The following DNAH9 variants were observed in gnomAD, a reference collection of about 807,000 sequenced individuals.
DNAH9 encodes the protein dynein axonemal heavy chain 9.
In DNAH9, 345 loss-of-function variants were observed where a neutral mutation model predicts 471.6. The ratio of observed to expected loss-of-function variants is 0.73; its 90% CI spans 0.67 to 0.80. The LOEUF is 0.80. DNAH9 is among the 30% of genes least tolerant of loss of function. The pLI is 0.00. For missense variants in DNAH9, 5,407 were observed against 5,609.2 expected, an observed-to-expected ratio of 0.96 and a Z score of 1.15; for synonymous variants, 2,093 against 2,123.6, an observed-to-expected ratio of 0.99 and a Z score of 0.40.
At chr17:11,627,685 G>A (rs763816904) in intron 6 of DNAH9, among the ~76,000 whole-genome samples, 1 of 152,050 alleles carries the variant, frequency 6.6e-6, no homozygotes, top group Non-Finnish European at 1.5e-5. Context: ...CCTGGTTTTG[G>A]CATCTGTCTT....
At position 11,686,778 on chromosome 17, in the gene DNAH9, A is replaced by T. The variant is rs370449914; in HGVS notation, c.3744-2788A>T. ...TGCCAAAGGAAGAATGGTTAGCAAG[A>T]TAATTTCTAATCTTCCATGTGCACC... On this transcript the variant is annotated intron_variant, in intron 19 of 68. Transcript: ENST00000262442. Among the ~76,000 whole-genome samples, 25 of 152,354 alleles carry T rather than the reference A, an allele frequency of 1.6e-4. No individual in the cohort carries two copies. The South Asian group carries it at 2.3e-3, about 14-fold the overall frequency.
At chr17:11,802,289 C>T (rs1298059345) in intron 43 of DNAH9, among the ~76,000 whole-genome samples, 1 of 152,062 alleles carries the variant, frequency 6.6e-6, no homozygotes, top group East Asian at 1.9e-4. Context: ...GGCCTCACAT[C>T]GCTACACACA....
At position 11,932,267 on chromosome 17, in the gene DNAH9, T is replaced by C; in HGVS notation, c.12297+62T>C. ...GGAGAGGGTTAAAATTATTTAATTT[T>C]GAGGGGTGAATCAGAGGGGTCTAGG... is the stretch of plus-strand genomic sequence containing the variant. On this transcript the variant is annotated intron_variant, in intron 64 of 68. Transcript: ENST00000262442. This position sits in a 1 kb window ranked among gnomAD's most constrained non-coding sequence, Gnocchi z 4.3. 6.5e-7 allele frequency: 1 copy of C among 1,546,742 alleles called. No homozygotes were observed. Among genetic ancestry groups the C allele is most frequent in the East Asian group, 2.3e-5 (1 of 44,006 alleles).
At position 11,651,056 on chromosome 17, in the gene DNAH9, T is replaced by A; in HGVS notation, c.2098-13T>A. On this transcript the variant is annotated splice_polypyrimidine_tract_variant and intron_variant, in intron 12 of 68. Coordinates refer to ENST00000262442, the MANE Select transcript of DNAH9 (RefSeq NM_001372.4). ...ACTGAACGACAGACACTTGTGTTGC[T>A]TCTTTTCTCCAGCTGATTTCAGTGC... The A allele has an allele frequency of 1.2e-6, 2 of 1,611,008 alleles. No individual in the cohort carries two copies. The highest frequency in any genetic ancestry group is 1.7e-6 in the Non-Finnish European group (2 of 1,177,798).
At chr17:11,710,735 C>A (rs761829210) in intron 26 of DNAH9, among the ~76,000 whole-genome samples, 5 of 152,142 alleles carry the variant, frequency 3.3e-5, no homozygotes, top group Non-Finnish European at 7.3e-5. Flanking sequence ...TAATATTGCA[C>A]TATATTTCAT....
intron 49 of DNAH9, among the ~76,000 whole-genome samples, chr17:11,842,985 G>C (rs1971080007): frequency 6.6e-6 from 1 of 151,860 alleles, no homozygotes; most frequent in Non-Finnish European, 1.5e-5. Flanking sequence ...TTCAACATCT[G>C]TTCCTCATTA....
At chr17:11,887,861 A>C (rs1371323228) in intron 57 of DNAH9, among the ~76,000 whole-genome samples, 1 of 152,216 alleles carries the variant, frequency 6.6e-6, no homozygotes, top group Non-Finnish European at 1.5e-5. Flanking sequence ...ATGAGAAATC[A>C]GAAGGCCTCC....
At chr17:11,844,972 G>C (rs534936331) in intron 49 of DNAH9, among the ~76,000 whole-genome samples, 4 of 150,522 alleles carry the variant, frequency 2.7e-5, no homozygotes, top group Non-Finnish European at 4.4e-5. Flanking sequence ...GTCTGTTCAT[G>C]TCCTTTGTCC....
chr17:11,610,455 G>C lies in DNAH9; in HGVS notation c.674G>C (p.Ser225Thr), dbSNP rs752350752. ...ATTGAGTCTGCAGTGATCAAATGGAGCTACCAAGTCCAGGTGGTACTCAAG... is the reference window on the plus strand; with the variant it reads ...ATTGAGTCTGCAGTGATCAAATGGACCTACCAAGTCCAGGTGGTACTCAAG... ...YAIESAVIKW[S>T]YQVQVVLKRE... Residue 225 changes from serine to threonine, a missense_variant, in exon 3 of 69, where the codon AGC becomes ACC. By Grantham distance (58) the Ser-to-Thr change is moderately conservative. Around this residue, in one of 3 missense-constraint regions of DNAH9, gnomAD observed 767 missense variants for 692.5 expected, o/e 1.11. Transcript: ENST00000262442. The C allele has an allele frequency of 2.5e-6, 4 of 1,613,586 alleles. No homozygotes were observed. The highest frequency in any genetic ancestry group is 3.4e-6 in the Non-Finnish European group (4 of 1,179,798).
At chr17:11,673,834 A>G (rs1197836694) in intron 17 of DNAH9, among the ~76,000 whole-genome samples, 1 of 152,112 alleles carries the variant, frequency 6.6e-6, no homozygotes, top group Admixed American at 6.5e-5. Context: ...GCTTTTCTTC[A>G]TCACTTTGTG....
At chr17:11,744,050 G>A (rs188015941) in intron 30 of DNAH9, among the ~76,000 whole-genome samples, 227 of 152,148 alleles carry the variant, frequency 1.5e-3, no homozygotes, top group African/African-American at 5.0e-3. Flanking sequence ...GGCTGGTCTC[G>A]AACTCCTGAC....
intron 27 of DNAH9, among the ~76,000 whole-genome samples, chr17:11,725,189 G>A (rs2075130771): frequency 6.6e-6 from 1 of 152,206 alleles, no homozygotes; most frequent in African/African-American, 2.4e-5. Flanking sequence ...TTCCTTAACA[G>A]ACCATGGACA....
chr17:11,829,237 G>C (rs1970605853), intron 48 of DNAH9, among the ~76,000 whole-genome samples: 1 of 152,160 alleles, frequency 6.6e-6, no homozygotes, highest in South Asian at 2.1e-4. Flanking sequence ...AGTGGTATAA[G>C]GCTAAGGACT....
At chr17:11,897,926 G>T (rs1020108318) in intron 59 of DNAH9, among the ~76,000 whole-genome samples, 17 of 152,116 alleles carry the variant, frequency 1.1e-4, no homozygotes, top group Non-Finnish European at 2.4e-4. Context: ...TGAAATTAAG[G>T]TGTCAGCAGG....
intron 41 of DNAH9, among the ~76,000 whole-genome samples, chr17:11,786,916 G>A (rs779860232): frequency 2.8e-4 from 43 of 152,204 alleles, no homozygotes; most frequent in Admixed American, 1.0e-3. Flanking sequence ...CCAGCTGTCA[G>A]CTGCTCCAAG....
At chr17:11,887,005 G>A in intron 57 of DNAH9, 40 bp downstream of exon 57, 3 of 1,590,216 alleles carry the variant, frequency 1.9e-6, no homozygotes, top group Non-Finnish European at 2.6e-6. Flanking sequence ...TTATAATAAA[G>A]CAGTGTAATA....
intron 38 of DNAH9, among the ~76,000 whole-genome samples, chr17:11,780,597 T>C (rs1037394424): frequency 6.6e-6 from 1 of 152,196 alleles, no homozygotes; most frequent in Admixed American, 6.5e-5. Flanking sequence ...GGACCACAAG[T>C]ATGACAGAAG....
intron 57 of DNAH9, among the ~76,000 whole-genome samples, chr17:11,888,081 G>C (rs1189681907): frequency 6.6e-6 from 1 of 151,386 alleles, no homozygotes; most frequent in African/African-American, 2.4e-5. Flanking sequence ...CTCCCGGGTT[G>C]AGGCCATTCT....
rs752030907 is a variant in DNAH9, at chr17:11,905,815, A to G, written c.11749+6A>G. 5 of 1,598,310 alleles carry G rather than the reference A, an allele frequency of 3.1e-6. No individual in the cohort carries two copies. In the East Asian group the frequency reaches 1.1e-4, roughly 36 times the overall value. ...GAAGGATGTAGAAAGTCAAGGTGAG[A>G]AAGGCGTCCTCTTGGAGCCAGGGCT... On this transcript the variant is annotated splice_donor_region_variant and intron_variant, in intron 61 of 68. Transcript: ENST00000262442.
Sources: gnomAD v4.1 joint callset for allele counts (sites outside exome capture counted in the v4.1 genomes callset) on GRCh38, gnomAD v4.1.1 for gene constraint, gnomAD v4.1.1 regional missense constraint, Gnocchi (gnomAD v3.1) non-coding constraint, MANE v1.5 for transcripts, NCBI Gene and HGNC (gene_info 2026-07-23, HGNC 2026-07-21) for gene names.